The following STARD4 variants were observed in gnomAD, a reference collection of about 807,000 sequenced individuals.
STARD4 encodes StAR related lipid transfer domain containing 4.
STARD4 carries 33 observed loss-of-function variants against 24.9 expected under a neutral mutation model. The observed-to-expected ratio is 1.32, with a 90% CI of 1.00 to 1.77. The LOEUF is 1.77. Ranked by LOEUF, STARD4 falls within the 40% of genes most tolerant of loss-of-function variation. The pLI is 0.00. For missense variants in STARD4, 238 were observed against 249.3 expected (o/e 0.95, Z 0.31); for synonymous variants, 88 against 77.4 (o/e 1.14, Z -0.72).
At chr5:111,505,715 A>G (rs1307167123) in intron 3 of STARD4, among the ~76,000 whole-genome samples, 1 of 152,160 alleles carries the variant, frequency 6.6e-6, no homozygotes, top group African/African-American at 2.4e-5. Flanking sequence ...ATAAGTTCCT[A>G]AGATAAAATG....
chr5:111,499,374 C>T lies in STARD4; in HGVS notation c.*512G>A, dbSNP rs1756266982. 6.5e-6 allele frequency: 1 copy of T among 152,926 alleles called. No homozygotes were observed. The highest frequency in any genetic ancestry group is 2.4e-5 in the African/African-American group (1 of 41,386). The allele number at this position is 152,926 out of a possible 1,614,324, so 9.5% of individuals were successfully genotyped here. A position where few individuals can be genotyped will look rare whatever the true frequency, so the allele number is the denominator to read the frequency against. ...GAGTCTCAAGATAAGTCTTGGACAC[C>T]AACTGAATTCCACATTTTAAATTGG... On this transcript the variant is annotated 3_prime_UTR_variant, in exon 6 of 6. Transcript: ENST00000296632.
At chr5:111,506,472 T>C in intron 2 of STARD4, 93 bp from the exon 3 acceptor site, 1 of 505,896 alleles carries the variant, frequency 2.0e-6, no homozygotes, top group Non-Finnish European at 3.4e-6. Context: ...AATTTGTCTT[T>C]GCATTAAAAT....
At chr5:111,505,269 A>G (rs900368470) in intron 3 of STARD4, among the ~76,000 whole-genome samples, 1 of 152,224 alleles carries the variant, frequency 6.6e-6, no homozygotes, top group South Asian at 2.1e-4. Flanking sequence ...AATTTAAAGA[A>G]TTAACTTCCA....
intron 1 of STARD4, among the ~76,000 whole-genome samples, chr5:111,511,311 G>A (rs985206319): frequency 2.0e-5 from 3 of 151,850 alleles, no homozygotes; most frequent in African/African-American, 7.3e-5. Context: ...CTAATGCTCT[G>A]TACTTGATTT....
intron 3 of STARD4, 88 bp from the exon 4 acceptor site, chr5:111,502,176 G>GA (rs1053829765): frequency 1.4e-6 from 2 of 1,474,962 alleles, no homozygotes; most frequent in East Asian, 2.3e-5. Flanking sequence ...TGAAAGTAAG[G>GA]AAAAAAATTA....
rs1484292110 is a variant in STARD4 at position 111,498,802 on chromosome 5, A to G, written c.*1084T>C. ...AATCTATCATCACCAGTGGCAAAAAATAAATAAAAACAAAAGCAAAAAACA... is the reference window on the plus strand; with the variant it reads ...AATCTATCATCACCAGTGGCAAAAAGTAAATAAAAACAAAAGCAAAAAACA... On this transcript the variant is annotated 3_prime_UTR_variant, in exon 6 of 6. Coordinates refer to ENST00000296632, the MANE Select transcript of STARD4 (RefSeq NM_139164.3). 3.3e-5 allele frequency: 5 copies of G among 152,168 alleles called. No individual in the cohort carries two copies. Among genetic ancestry groups the G allele is most frequent in the Non-Finnish European group, 7.4e-5 (5 of 68,016 alleles). The allele number at this position is 152,168 out of a possible 1,614,324, so 9.4% of individuals were successfully genotyped here.
intron 1 of STARD4, among the ~76,000 whole-genome samples, chr5:111,511,791 A>G (rs1757309018): frequency 6.6e-6 from 1 of 152,226 alleles, no homozygotes; most frequent in African/African-American, 2.4e-5. Flanking sequence ...TGCTGAACCT[A>G]AAAATCTAAG....
rs79490111 is a variant in STARD4, at chr5:111,504,966, C to T, written c.155+1364G>A. On this transcript the variant is annotated intron_variant, in intron 3 of 5. Coordinates refer to ENST00000296632, the MANE Select transcript of STARD4 (RefSeq NM_139164.3). ...TTTGCCCTTTTTGACTTCTGTGCTG[C>T]GGCCTCAGTTACAGCACTTTGTGTC... 1.8e-3 allele frequency: 807 copies of T among 447,512 alleles called. 6 individuals are homozygous for T. Among genetic ancestry groups the T allele is most frequent in the African/African-American group, 0.015 (735 of 49,436 alleles). The allele number at this position is 447,512 out of a possible 1,614,324, so 27.7% of individuals were successfully genotyped here.
At chr5:111,508,868 A>G (rs958375198) in intron 1 of STARD4, among the ~76,000 whole-genome samples, 2 of 152,178 alleles carry the variant, frequency 1.3e-5, no homozygotes, top group Admixed American at 6.5e-5. Context: ...TTAAGGTTGT[A>G]GCCAATATTT....
intron 5 of STARD4, 72 bp downstream of exon 5, chr5:111,500,930 G>C: frequency 6.2e-7 from 1 of 1,610,540 alleles, no homozygotes; most frequent in Non-Finnish European, 8.5e-7. Flanking sequence ...CACAAGGAAA[G>C]AGACATCCAG....
chr5:111,510,380 C>A (rs1204366438), intron 1 of STARD4, among the ~76,000 whole-genome samples: 1 of 152,198 alleles, frequency 6.6e-6, no homozygotes, highest in African/African-American at 2.4e-5. Flanking sequence ...CTGCAATCTC[C>A]AACTGTGGAG....
chr5:111,507,295 T>A lies in STARD4; in HGVS notation c.105+34A>T, dbSNP rs776777178. The A allele has an allele frequency of 1.3e-6, 2 of 1,554,884 alleles. No homozygotes were observed. Among genetic ancestry groups the A allele is most frequent in the Admixed American group, 1.7e-5 (1 of 58,356 alleles). ...ATCAACCAATTCATTAGATAGAAGA[T>A]ATACCCCAAATATAAGTAATTGAAC... On this transcript the variant is annotated intron_variant, in intron 2 of 5. Coordinates refer to ENST00000296632, the MANE Select transcript of STARD4 (RefSeq NM_139164.3). This position sits in a 1 kb window ranked among gnomAD's most constrained non-coding sequence, Gnocchi z 4.4.
chr5:111,500,365 GC>G (rs1756344740), intron 5 of STARD4: 11 of 1,147,952 alleles, frequency 9.6e-6, no homozygotes, highest in Non-Finnish European at 1.2e-5. Flanking sequence ...CTCCTTGGAA[GC>G]TACAAATCTT....
chr5:111,501,778 AT>A (rs1388326800), intron 4 of STARD4, among the ~76,000 whole-genome samples, 183 bp downstream of exon 4: 3 of 152,222 alleles, frequency 2.0e-5, no homozygotes, highest in Non-Finnish European at 4.4e-5. Context: ...ATTAATTAGT[AT>A]GAGGAAACAC....
chr5:111,512,155 T>C (rs1757350833), intron 1 of STARD4: 1 of 152,284 alleles, frequency 6.6e-6, no homozygotes, highest in African/African-American at 2.4e-5. Context: ...AGCCCTGGGA[T>C]CCTTCCAGCT....
rs758071287 is a variant in STARD4 at position 111,500,003 on chromosome 5, ACT to A, written c.499_500del (p.Leu168PhefsTer32). The A allele has an allele frequency of 2.5e-6, 4 of 1,614,044 alleles. No individual in the cohort carries two copies. The highest frequency in any genetic ancestry group is 3.4e-6 in the Non-Finnish European group (4 of 1,180,004). ...CVPLKDNPNQ[S>X]LLTGYIQTDL... is the part of the protein sequence containing the mutation. ...CTGTCTGAATATATCCTGTCAAAAG[ACT>A]CTGGTTTGGGTTGTCTTTAAGTGGA... On this transcript the variant is annotated frameshift_variant, in exon 6 of 6. Transcript: ENST00000296632. LOFTEE classifies it high-confidence loss of function.
chr5:111,509,180 A>G (rs1211513713), intron 1 of STARD4, among the ~76,000 whole-genome samples: 1 of 152,120 alleles, frequency 6.6e-6, no homozygotes, highest in East Asian at 1.9e-4. Flanking sequence ...AAGGCTTGTA[A>G]AAGAGATTTA....
chr5:111,505,384 A>G (rs1002191260), intron 3 of STARD4, among the ~76,000 whole-genome samples: 3 of 152,208 alleles, frequency 2.0e-5, no homozygotes, highest in African/African-American at 7.2e-5. Flanking sequence ...ACACTTCAGA[A>G]CATTCTGTAT....
At chr5:111,504,973 A>G (rs1349879779) in intron 3 of STARD4, 1 of 453,054 alleles carries the variant, frequency 2.2e-6, no homozygotes, top group African/African-American at 2.0e-5. Context: ...CTGCGGCCTC[A>G]GTTACAGCAC....
Sources: allele counts gnomAD v4.1 joint callset (sites outside exome capture counted in the v4.1 genomes callset), GRCh38; gene constraint gnomAD v4.1.1; non-coding constraint Gnocchi (gnomAD v3.1); transcripts MANE v1.5; gene names NCBI Gene and HGNC (gene_info 2026-07-23, HGNC 2026-07-21).